FRMD6: variants seen among roughly 807,000 people sequenced by gnomAD.
The protein encoded by FRMD6 is FERM domain-containing protein 6.
In FRMD6, 37 loss-of-function variants were observed where a neutral mutation model predicts 73.2. The ratio of observed to expected loss-of-function variants is 0.51; its 90% CI spans 0.39 to 0.66. FRMD6 has a LOEUF of 0.66. Ranked by LOEUF, FRMD6 falls within the 30% of genes least tolerant of loss-of-function variation. FRMD6 has a pLI of 0.00. For missense variants in FRMD6, 714 were observed against 780.5 expected (o/e 0.91, Z 1.02); for synonymous variants, 273 against 282.2 (o/e 0.97, Z 0.33).
intron 1 of FRMD6, among the ~76,000 whole-genome samples, chr14:51,675,866 A>T (rs1470733260): frequency 6.6e-6 from 1 of 151,898 alleles, no homozygotes; most frequent in Non-Finnish European, 1.5e-5. Context: ...TTATCCCCAT[A>T]ATTTATGTAG....
the FRMD6 span, among the ~76,000 whole-genome samples, chr14:51,469,433 G>GA: frequency 1.7e-3 from 257 of 150,422 alleles, no homozygotes; most frequent in Non-Finnish European, 2.8e-3. Flanking sequence ...CTAACACGGT[G>GA]AAACCCCATC....
rs1896543126 is a variant in FRMD6 at position 51,705,043 on chromosome 14, C to T, written c.558+108C>T. On this transcript the variant is annotated intron_variant, in intron 6 of 13. Transcript: ENST00000344768. ...AATGGGAACACAGATGTTCTGTGGC[C>T]AAATTCTTTGTGATGCCCAGATATT... is the stretch of plus-strand genomic sequence containing the variant. 7.2e-6 allele frequency: 7 copies of T among 977,582 alleles called. No individual in the cohort carries two copies. The Admixed American group carries it at 2.0e-4, about 27-fold the overall frequency. 60.6% of individuals were successfully genotyped at this position (977,582 alleles called of 1,614,324 possible).
intron 1 of FRMD6, among the ~76,000 whole-genome samples, chr14:51,506,774 A>G (rs1275336396): frequency 2.6e-5 from 4 of 152,192 alleles, no homozygotes; most frequent in African/African-American, 4.8e-5. Context: ...CAGCTGAAAC[A>G]TCTAACTACA....
At chr14:51,522,310 A>G (rs1202349188) in intron 1 of FRMD6, among the ~76,000 whole-genome samples, 1 of 152,198 alleles carries the variant, frequency 6.6e-6, no homozygotes, top group African/African-American at 2.4e-5. Context: ...AAACAATATC[A>G]TTTTTAGCTG....
chr14:51,650,617 G>C (rs1892305992), upstream of FRMD6: 1 of 150,910 alleles, frequency 6.6e-6, no homozygotes, highest in Non-Finnish European at 1.5e-5. Context: ...GGATGGTCTC[G>C]ATCTCCTGAC....
intron 3 of FRMD6, among the ~76,000 whole-genome samples, chr14:51,700,628 C>A (rs534746697): frequency 6.6e-6 from 1 of 152,104 alleles, no homozygotes; most frequent in East Asian, 1.9e-4. Flanking sequence ...TAATTTCTTA[C>A]ATAGCAATTA....
At chr14:51,706,176 T>C (rs894366866) in intron 6 of FRMD6, among the ~76,000 whole-genome samples, 6 of 152,132 alleles carry the variant, frequency 3.9e-5, no homozygotes, top group Non-Finnish European at 7.4e-5. Flanking sequence ...CACCTTGTAA[T>C]GTCTGTGCTT....
chr14:51,701,170 A>G lies in FRMD6; in HGVS notation c.294+11A>G. On this transcript the variant is annotated intron_variant, in intron 4 of 13. Coordinates refer to ENST00000344768, the MANE Select transcript of FRMD6 (RefSeq NM_001267046.2). ...TACGAAGTCACTTGGGTGAGATTAC[A>G]TTTATAAGCAAAATTATTTTGATTT... is the stretch of plus-strand genomic sequence containing the variant. 1 of 1,452,200 alleles carries G rather than the reference A, an allele frequency of 6.9e-7. No individual in the cohort carries two copies. The highest frequency in any genetic ancestry group is 9.4e-7 in the Non-Finnish European group (1 of 1,066,280). The allele number at this position is 1,452,200 out of a possible 1,614,324, so 90.0% of individuals were successfully genotyped here.
the FRMD6 span, among the ~76,000 whole-genome samples, chr14:51,475,359 T>C: frequency 6.6e-6 from 1 of 152,206 alleles, no homozygotes; most frequent in East Asian, 1.9e-4. Flanking sequence ...CTGTCCTCTT[T>C]GCCATAGAGT....
rs112849942 is a variant in FRMD6 at position 51,642,262 on chromosome 14, G to A, written c.-146-47429G>A. The stretch of plus-strand genomic sequence containing the variant: ...TTTTAGAAAAAGGAGGCCAGAGGCC[G>A]GGCATGGTGGCTCACGCTTGTAATC... On this transcript the variant is annotated intron_variant, in intron 2 of 14. Coordinates refer to the FRMD6 transcript ENST00000356218. 3.4e-4 allele frequency among the ~76,000 whole-genome samples: 52 copies of A among 152,326 alleles called. 1 individual carries two copies. In the South Asian group the frequency reaches 5.0e-3, roughly 15 times the overall value.
chr14:51,440,387 C>T, the FRMD6 span, among the ~76,000 whole-genome samples: 6 of 152,036 alleles, frequency 3.9e-5, no homozygotes, highest in Non-Finnish European at 2.9e-5. Context: ...ATTAATTATC[C>T]AAGGGTTTAG....
At chr14:51,598,623 C>T (rs1273246276) in intron 2 of FRMD6, among the ~76,000 whole-genome samples, 1 of 152,118 alleles carries the variant, frequency 6.6e-6, no homozygotes, top group East Asian at 1.9e-4. Flanking sequence ...TCCATGAGTA[C>T]CCAGTGTTTA....
At chr14:51,714,650 A>C (rs28439058) in intron 9 of FRMD6, 43,366 of 152,042 alleles carry the variant, frequency 0.29, 6,636 homozygotes, top group African/African-American at 0.39. Flanking sequence ...CCCATCTCAT[A>C]CCTCCAACTA....
chr14:51,721,748 G>GGGAAGGA (rs1566598446), intron 11 of FRMD6, among the ~76,000 whole-genome samples: 3 of 18,868 alleles, frequency 1.6e-4, no homozygotes, highest in African/African-American at 5.5e-4. Context: ...GGAAGGAAGG[G>GGGAAGGA]AGGAAGGAAG....
the FRMD6 span, among the ~76,000 whole-genome samples, chr14:51,422,989 C>G: frequency 2.0e-5 from 3 of 152,192 alleles, no homozygotes; most frequent in African/African-American, 7.2e-5. Flanking sequence ...GTATGCTATT[C>G]GCATCTTTCC....
chr14:51,536,391 C>A (rs1033776040), intron 1 of FRMD6, among the ~76,000 whole-genome samples: 5 of 151,898 alleles, frequency 3.3e-5, no homozygotes, highest in African/African-American at 1.2e-4. Context: ...CTGCAGCTGG[C>A]CTCTTGCCCA....
chr14:51,445,404 A>G, the FRMD6 span, among the ~76,000 whole-genome samples: 1 of 152,142 alleles, frequency 6.6e-6, no homozygotes, highest in Admixed American at 6.5e-5. Flanking sequence ...TGTGACCTCA[A>G]AAATAAGTCC....
intron 1 of FRMD6, among the ~76,000 whole-genome samples, chr14:51,518,336 G>C (rs1401302457): frequency 1.3e-5 from 2 of 152,170 alleles, no homozygotes; most frequent in Non-Finnish European, 2.9e-5. Context: ...ACCATCCATG[G>C]CACCCTGTAG....
At chr14:51,629,073 T>A (rs572815697) in intron 2 of FRMD6, among the ~76,000 whole-genome samples, 2 of 151,966 alleles carry the variant, frequency 1.3e-5, no homozygotes, top group African/African-American at 4.8e-5. Flanking sequence ...AGACGGGGTT[T>A]CACCGTGTTA....
Sources: gnomAD v4.1 joint callset for allele counts (sites outside exome capture counted in the v4.1 genomes callset) on GRCh38, gnomAD v4.1.1 for gene constraint, MANE v1.5 for transcripts, NCBI Gene and HGNC (gene_info 2026-07-23, HGNC 2026-07-21) for gene names.